Variants in ATP8A2 observed in about 807,000 individuals in gnomAD.
ATP8A2 encodes the protein phospholipid-transporting ATPase IB.
ATP8A2 carries 100 observed loss-of-function variants against 165.6 expected under a neutral mutation model. That is an observed-to-expected ratio of 0.60 (90% CI 0.51 to 0.71). The LOEUF is 0.71. Ranked by LOEUF, ATP8A2 falls within the 30% of genes least tolerant of loss-of-function variation. ATP8A2 has a pLI of 0.00. For missense variants in ATP8A2, 1,227 were observed against 1,479.5 expected (o/e 0.83, Z 2.80); for synonymous variants, 543 against 548.8 (o/e 0.99, Z 0.15).
rs1293882237 is a variant in ATP8A2, at chr13:25,953,302, A to G, written c.3184-8273A>G. On this transcript the variant is annotated intron_variant, in intron 33 of 36. Transcript: ENST00000381655. This position sits in a 1 kb window ranked among gnomAD's most constrained non-coding sequence, Gnocchi z 6.7. ...TCTCTGGCTGCAGGTGCTGTGGGGA[A>G]GGGGCAGACTTAAATTTTCTTCTGT... Among the ~76,000 whole-genome samples, 2 of 152,012 alleles carry G rather than the reference A, an allele frequency of 1.3e-5. No individual in the cohort carries two copies. Among genetic ancestry groups the G allele is most frequent in the Non-Finnish European group, 2.9e-5 (2 of 68,010 alleles).
intron 27 of ATP8A2, among the ~76,000 whole-genome samples, chr13:25,800,033 A>G (rs1026670276): frequency 2.0e-5 from 3 of 152,214 alleles, no homozygotes; most frequent in Non-Finnish European, 4.4e-5. Context: ...CTTTTAATGT[A>G]CCGTCCATTG....
chr13:25,718,896 C>G (rs1331573215), intron 25 of ATP8A2, among the ~76,000 whole-genome samples: 1 of 152,090 alleles, frequency 6.6e-6, no homozygotes, highest in East Asian at 1.9e-4. Flanking sequence ...CAAGTTGGTA[C>G]AAAAATGGCA....
chr13:25,541,917 A>T lies in ATP8A2; in HGVS notation c.652-2A>T. ...ACTTCCTCTTTTGGTTTAATCTTTTAGGGTTTGAGTCACACTGCTGACATG... is the reference window on the plus strand; with the variant it reads ...ACTTCCTCTTTTGGTTTAATCTTTTTGGGTTTGAGTCACACTGCTGACATG... On this transcript the variant is annotated splice_acceptor_variant, in intron 8 of 36. Coordinates refer to ENST00000381655, the MANE Select transcript of ATP8A2 (RefSeq NM_016529.6). LOFTEE classifies it high-confidence loss of function. 5.6e-6 allele frequency: 9 copies of T among 1,613,992 alleles called. No homozygotes were observed. Among genetic ancestry groups the T allele is most frequent in the Non-Finnish European group, 7.6e-6 (9 of 1,179,934 alleles).
rs139558195 is a variant in ATP8A2, at chr13:25,991,145, C to A, written c.3378-21386C>A. On this transcript the variant is annotated intron_variant, in intron 35 of 36. Coordinates refer to ENST00000381655, the MANE Select transcript of ATP8A2 (RefSeq NM_016529.6). ...AGATACAGGAGGAAGTCTCCCCACC[C>A]GCTTTAAAGGAAGCTTGGCGAGATA... Among the ~76,000 whole-genome samples the A allele has an allele frequency of 1.8e-4, 28 of 152,206 alleles. No homozygotes were observed. The East Asian group carries it at 5.2e-3, about 28-fold the overall frequency.
chr13:25,922,848 A>T (rs1011695121), intron 33 of ATP8A2, among the ~76,000 whole-genome samples: 1 of 152,180 alleles, frequency 6.6e-6, no homozygotes, highest in Non-Finnish European at 1.5e-5. Flanking sequence ...CCTGACTGTG[A>T]CAGACACAAA....
intron 2 of ATP8A2, among the ~76,000 whole-genome samples, chr13:25,485,588 G>C (rs2036326786): frequency 6.6e-6 from 1 of 152,232 alleles, no homozygotes; most frequent in Non-Finnish European, 1.5e-5. Context: ...ACAGTGAGCT[G>C]GTGTTGAAAG....
chr13:25,402,734 G>C (rs1194434356), intron 1 of ATP8A2, among the ~76,000 whole-genome samples: 2 of 152,198 alleles, frequency 1.3e-5, no homozygotes, highest in Non-Finnish European at 2.9e-5. Flanking sequence ...CCGCCTTTGA[G>C]AATGGGATTA....
chr13:25,485,435 A>C lies in ATP8A2; in HGVS notation c.221+16314A>C, dbSNP rs1041421680. Among the ~76,000 whole-genome samples, 3 of 152,244 alleles carry C rather than the reference A, an allele frequency of 2.0e-5. No homozygotes were observed. The South Asian group carries it at 6.2e-4, about 31-fold the overall frequency. ...GAAGATTTCTTTTCATACTTTTACCAACCTCCTTCCACTGCTTTATCTAAA... is the reference window on the plus strand; with the variant it reads ...GAAGATTTCTTTTCATACTTTTACCCACCTCCTTCCACTGCTTTATCTAAA... On this transcript the variant is annotated intron_variant, in intron 2 of 36. Coordinates refer to ENST00000381655, the MANE Select transcript of ATP8A2 (RefSeq NM_016529.6).
intron 7 of ATP8A2, among the ~76,000 whole-genome samples, 192 bp from the exon 8 acceptor site, chr13:25,540,127 C>T (rs1053502708): frequency 6.6e-6 from 1 of 152,218 alleles, no homozygotes; most frequent in Non-Finnish European, 1.5e-5. Context: ...AAATGACTCT[C>T]TACTGGTACT....
intron 25 of ATP8A2, among the ~76,000 whole-genome samples, 183 bp from the exon 26 acceptor site, chr13:25,768,863 G>A (rs1274668802): frequency 6.6e-6 from 1 of 152,134 alleles, no homozygotes; most frequent in Non-Finnish European, 1.5e-5. Context: ...CTGAGAAGTT[G>A]GCAAATACTT....
At chr13:25,598,784 G>A (rs956145378) in intron 24 of ATP8A2, among the ~76,000 whole-genome samples, 1 of 152,044 alleles carries the variant, frequency 6.6e-6, no homozygotes. Context: ...TGCATGTCTA[G>A]TAATTTTTTT....
intron 33 of ATP8A2, among the ~76,000 whole-genome samples, chr13:25,954,610 G>T (rs1008381692): frequency 1.2e-4 from 18 of 152,198 alleles, no homozygotes; most frequent in Non-Finnish European, 2.6e-4. Context: ...ATACAAGAGA[G>T]CTCTGACTGG....
At chr13:25,895,224 A>G (rs1458431142) in intron 33 of ATP8A2, among the ~76,000 whole-genome samples, 2 of 152,162 alleles carry the variant, frequency 1.3e-5, no homozygotes, top group Admixed American at 6.5e-5. Flanking sequence ...TACCTAATTT[A>G]TTGAGAGTTT....
At chr13:25,549,221 A>AG (rs970424034) in intron 10 of ATP8A2, among the ~76,000 whole-genome samples, 2 of 152,056 alleles carry the variant, frequency 1.3e-5, no homozygotes, top group African/African-American at 2.4e-5. Context: ...CCACTTTGGG[A>AG]GGCCAAGACG....
chr13:25,950,192 ACTGTTT>A (rs1955316737), intron 33 of ATP8A2, among the ~76,000 whole-genome samples: 1 of 152,250 alleles, frequency 6.6e-6, no homozygotes, highest in East Asian at 1.9e-4. Context: ...GGGGCGATAT[ACTGTTT>A]CTCTGCCTGG....
intron 25 of ATP8A2, among the ~76,000 whole-genome samples, chr13:25,729,450 G>A (rs1340202716): frequency 6.6e-6 from 1 of 152,174 alleles, no homozygotes; most frequent in Non-Finnish European, 1.5e-5. Context: ...TACCTTTTAG[G>A]ACAGGTCATG....
intron 25 of ATP8A2, 76 bp from the exon 26 acceptor site, chr13:25,768,970 T>C: frequency 7.4e-7 from 1 of 1,360,132 alleles, no homozygotes; most frequent in Non-Finnish European, 1.0e-6. Flanking sequence ...GTCCTTTTAA[T>C]GCAGCGGAAT....
intron 25 of ATP8A2, among the ~76,000 whole-genome samples, chr13:25,754,963 G>A (rs913123515): frequency 9.9e-5 from 15 of 152,006 alleles, no homozygotes; most frequent in Non-Finnish European, 2.2e-4. Flanking sequence ...TATACTAATT[G>A]CACCTTGATT....
intron 4 of ATP8A2, among the ~76,000 whole-genome samples, chr13:25,531,077 A>G (rs1296546449): frequency 1.3e-5 from 2 of 150,768 alleles, no homozygotes; most frequent in Non-Finnish European, 2.9e-5. Flanking sequence ...GGCTACAGCA[A>G]CTATATTCCT....
Sources: allele counts gnomAD v4.1 joint callset (sites outside exome capture counted in the v4.1 genomes callset), GRCh38; gene constraint gnomAD v4.1.1; non-coding constraint Gnocchi (gnomAD v3.1); transcripts MANE v1.5; gene names NCBI Gene and HGNC (gene_info 2026-07-23, HGNC 2026-07-21).